The following EPG5 variants were observed in gnomAD, a reference collection of about 807,000 sequenced individuals.
EPG5 encodes ectopic P granules protein 5 homolog.
Under a neutral mutation model 302.7 loss-of-function variants are expected in EPG5, and 159 were observed. That is an observed-to-expected ratio of 0.53 (90% CI 0.46 to 0.60). EPG5 has a LOEUF of 0.60. EPG5 is among the 20% of genes least tolerant of loss of function. EPG5 has a pLI of 0.00. For missense variants in EPG5, 2,896 were observed against 3,092.4 expected, an observed-to-expected ratio of 0.94 and a Z score of 1.51; for synonymous variants, 1,158 against 1,136.8, an observed-to-expected ratio of 1.02 and a Z score of -0.37.
chr18:45,826,588 C>T, the EPG5 span, among the ~76,000 whole-genome samples: 1 of 152,192 alleles, frequency 6.6e-6, no homozygotes, highest in Non-Finnish European at 1.5e-5. Flanking sequence ...GCACCTCTCT[C>T]CAGATCCCAG....
chr18:45,892,726 C>G (rs1280432040), intron 27 of EPG5, among the ~76,000 whole-genome samples: 2 of 152,182 alleles, frequency 1.3e-5, no homozygotes, highest in Non-Finnish European at 2.9e-5. Context: ...ATATATTTGC[C>G]TTTGTATACC....
rs1162516634 is a variant in EPG5, at chr18:45,878,429, T to G, written c.5889A>C (p.Ser1963=). ...ATGGCTTAAAGAGCTGAATGATTAC[T>G]GAATGTAGGGATTTCAGCACTAAAA... is the stretch of plus-strand genomic sequence containing the variant. ...SRKTVLKSLH[S]VIIQLFKPWI... The change falls in exon 34 of 44, where the codon TCA becomes TCC. Residue 1963 remains serine (S), a synonymous_variant. Transcript: ENST00000282041. 4 of 1,611,966 alleles carry G rather than the reference T, an allele frequency of 2.5e-6. No individual in the cohort carries two copies. Among genetic ancestry groups the G allele is most frequent in the Non-Finnish European group, 3.4e-6 (4 of 1,178,964 alleles).
chr18:45,886,706 T>G (rs1270981705), intron 29 of EPG5, among the ~76,000 whole-genome samples: 1 of 152,200 alleles, frequency 6.6e-6, no homozygotes, highest in African/African-American at 2.4e-5. Context: ...TTGCCCAGGC[T>G]GGAGTGCAAT....
the EPG5 span, among the ~76,000 whole-genome samples, chr18:45,841,652 G>C: frequency 1.3e-5 from 2 of 152,174 alleles, no homozygotes; most frequent in African/African-American, 4.8e-5. Context: ...AGGGAGCCAG[G>C]CTGCCGGGGT....
intron 36 of EPG5, among the ~76,000 whole-genome samples, chr18:45,868,504 A>T (rs2048797358): frequency 6.6e-6 from 1 of 151,298 alleles, no homozygotes; most frequent in Admixed American, 6.6e-5. Context: ...TGCCCAGCTA[A>T]TTTTTTATTT....
At chr18:45,936,225 C>G (rs2050518178) in intron 10 of EPG5, among the ~76,000 whole-genome samples, 1 of 152,192 alleles carries the variant, frequency 6.6e-6, no homozygotes, top group South Asian at 2.1e-4. Flanking sequence ...ACTAACCTAA[C>G]AGCAATTTGA....
At chr18:45,910,411 T>C (rs1046769063) in intron 23 of EPG5, 110 bp downstream of exon 23, 2 of 786,114 alleles carry the variant, frequency 2.5e-6, no homozygotes, top group Non-Finnish European at 4.1e-6. Flanking sequence ...CCATATTCAA[T>C]CTAACCGTGT....
At position 45,967,225 on chromosome 18, in the gene EPG5, C is replaced by T; in HGVS notation, c.15G>A (p.Val5=). MAEA[V]KPQRRAKAKA... ...TGGCCTTGGCCCGGCGCTGGGGCTT[C>T]ACCGCCTCGGCCATAGACCCTTCCG... The change falls in exon 1 of 44, where the codon GTG becomes GTA. Residue 5 remains valine (V), a synonymous_variant. Coordinates refer to ENST00000282041, the MANE Select transcript of EPG5 (RefSeq NM_020964.3). 6.2e-7 allele frequency: 1 copy of T among 1,604,164 alleles called. No homozygotes were observed. Among genetic ancestry groups the T allele is most frequent in the Non-Finnish European group, 8.5e-7 (1 of 1,175,610 alleles).
At chr18:45,912,217 A>G in intron 22 of EPG5, 73 bp downstream of exon 22, 1 of 1,349,974 alleles carries the variant, frequency 7.4e-7, no homozygotes, top group South Asian at 1.7e-5. Context: ...TCCACAGTCT[A>G]AGAACACATA....
chr18:45,912,279 G>GGGC lies in EPG5; in HGVS notation c.3983+8_3983+10dup. On this transcript the variant is annotated intron_variant, in intron 22 of 43. Coordinates refer to ENST00000282041, the MANE Select transcript of EPG5 (RefSeq NM_020964.3). The stretch of plus-strand genomic sequence containing the variant: ...TGGACTCACAGAAACCTACAATACT[G>GGGC]GGCAGCATACCCATACTGTGGTCCC... The GGGC allele has an allele frequency of 1.3e-6, 2 of 1,567,416 alleles. No individual in the cohort carries two copies. The highest frequency in any genetic ancestry group is 1.7e-6 in the Non-Finnish European group (2 of 1,160,252).
chr18:45,876,916 T>A (rs890082018), intron 34 of EPG5, among the ~76,000 whole-genome samples: 2 of 152,028 alleles, frequency 1.3e-5, no homozygotes, highest in African/African-American at 4.8e-5. Flanking sequence ...CCCGAGCAAC[T>A]GGGGTTGCAG....
At chr18:45,826,054 C>A in the EPG5 span, among the ~76,000 whole-genome samples, 1 of 152,154 alleles carries the variant, frequency 6.6e-6, no homozygotes, top group Non-Finnish European at 1.5e-5. Context: ...CCCATTGCTG[C>A]GAGCATCCAG....
chr18:45,896,120 G>A (rs554107424), intron 27 of EPG5, among the ~76,000 whole-genome samples: 13 of 152,286 alleles, frequency 8.5e-5, no homozygotes, highest in Admixed American at 2.0e-4. Context: ...AGCAAATACC[G>A]CCTGGGATAG....
chr18:45,843,444 C>A (rs551033436), downstream of EPG5: 1 of 152,204 alleles, frequency 6.6e-6, no homozygotes, highest in Non-Finnish European at 1.5e-5. Flanking sequence ...AGACATCTCA[C>A]CCCAGTTACA....
At chr18:45,846,071 C>G (rs746702922), downstream of EPG5, among the ~76,000 whole-genome samples, 1 of 152,122 alleles carries the variant, frequency 6.6e-6, no homozygotes, top group East Asian at 1.9e-4. Context: ...CTTGGTCCCC[C>G]ACCAGTCACA....
intron 12 of EPG5, among the ~76,000 whole-genome samples, chr18:45,929,649 A>G (rs2050355179): frequency 6.6e-6 from 1 of 152,230 alleles, no homozygotes; most frequent in Non-Finnish European, 1.5e-5. Flanking sequence ...CCTGGTCAAA[A>G]CACTGGAAAC....
rs1202340720 is a variant in EPG5, at chr18:45,922,516, G to C, written c.2923C>G (p.Leu975Val). ...CCATAATCGTTTTTGTGCAGTTTTAGCCTCAAGATTAAATTCCAGGCCCAT... is the reference window on the plus strand; with the variant it reads ...CCATAATCGTTTTTGTGCAGTTTTACCCTCAAGATTAAATTCCAGGCCCAT... ...NQWAWNLILR[L>V]KLHKNDYGIQ... is the part of the protein sequence containing the mutation. The change falls in exon 16 of 44, where the codon CTA becomes GTA. Residue 975 changes from leucine to valine, a missense_variant. Leu to Val is a conservative substitution (Grantham distance 32). Around this residue, in one of 5 missense-constraint regions of EPG5, gnomAD observed 1,390 missense variants for 1,430.0 expected, o/e 0.97. Transcript: ENST00000282041. 2 of 1,614,220 alleles carry C rather than the reference G, an allele frequency of 1.2e-6. No homozygotes were observed. Among genetic ancestry groups the C allele is most frequent in the East Asian group, 4.5e-5 (2 of 44,892 alleles).
the EPG5 span, among the ~76,000 whole-genome samples, chr18:45,805,319 T>C: frequency 6.6e-6 from 1 of 151,766 alleles, no homozygotes; most frequent in Non-Finnish European, 1.5e-5. Flanking sequence ...TAATGTAAGA[T>C]GTTAACTTCA....
chr18:45,913,653 C>CATCA, intron 21 of EPG5, 53 bp downstream of exon 21: 1 of 1,603,366 alleles, frequency 6.2e-7, no homozygotes, highest in East Asian at 2.2e-5. Flanking sequence ...AATCCATCAG[C>CATCA]ATCAAAGTGT....
Sources: gnomAD v4.1 joint callset for allele counts (sites outside exome capture counted in the v4.1 genomes callset) on GRCh38, gnomAD v4.1.1 for gene constraint, gnomAD v4.1.1 regional missense constraint, MANE v1.5 for transcripts, NCBI Gene and HGNC (gene_info 2026-07-23, HGNC 2026-07-21) for gene names.